Variants in ERGIC1 observed in about 807,000 individuals in gnomAD.
ERGIC1 encodes endoplasmic reticulum-Golgi intermediate compartment protein 1.
ERGIC1 carries 19 observed loss-of-function variants against 38.3 expected under a neutral mutation model. That is an observed-to-expected ratio of 0.50 (90% confidence interval 0.35 to 0.73). ERGIC1 has a LOEUF of 0.73. Among genes scored for constraint, ERGIC1 ranks in the 30% least tolerant of loss-of-function variants. The probability of loss-of-function intolerance (pLI) is 0.01; values close to 1 mark genes in which losing one functional copy is unlikely to be tolerated. For missense variants in ERGIC1, 294 were observed against 389.2 expected (o/e 0.76, Z 2.06); for synonymous variants, 124 against 157.6 (o/e 0.79, Z 1.60).
intron 3 of ERGIC1, chr5:172,905,170 C>T (rs896226420): frequency 8.4e-6 from 2 of 237,824 alleles, no homozygotes; most frequent in Admixed American, 8.5e-5. Flanking sequence ...GTGCGGAGGC[C>T]CAGCCTCGCC....
At chr5:172,939,722 C>T (rs1242915051) in intron 9 of ERGIC1, among the ~76,000 whole-genome samples, 1 of 152,252 alleles carries the variant, frequency 6.6e-6, no homozygotes, top group African/African-American at 2.4e-5. Flanking sequence ...CCCTGTGCCA[C>T]CACCTTGGTT....
At chr5:172,876,657 A>G (rs1762144914) in intron 1 of ERGIC1, among the ~76,000 whole-genome samples, 3 of 152,216 alleles carry the variant, frequency 2.0e-5, no homozygotes, top group Admixed American at 1.3e-4. Context: ...TGACATATGT[A>G]TACGTCCATG....
At position 172,926,584 on chromosome 5, in the gene ERGIC1, T is replaced by G; in HGVS notation, c.541+15T>G. On this transcript the variant is annotated intron_variant, in intron 7 of 9. Coordinates refer to ENST00000393784, the MANE Select transcript of ERGIC1 (RefSeq NM_001031711.3). This position sits in a 1 kb window ranked among gnomAD's most constrained non-coding sequence, Gnocchi z 5.2. ...CACCTCCAACCGTATGTATCCCTGCTGGGAACAGCCTTCTGCTCCAAGATG... is the reference window on the plus strand; with the variant it reads ...CACCTCCAACCGTATGTATCCCTGCGGGGAACAGCCTTCTGCTCCAAGATG... The G allele has an allele frequency of 6.2e-7, 1 of 1,610,928 alleles. No individual in the cohort carries two copies. The highest frequency in any genetic ancestry group is 1.1e-5 in the South Asian group (1 of 91,058).
chr5:172,874,453 CCTT>C (rs1762093901), intron 1 of ERGIC1, among the ~76,000 whole-genome samples: 1 of 152,162 alleles, frequency 6.6e-6, no homozygotes, highest in Non-Finnish European at 1.5e-5. Flanking sequence ...AGAAATGCTG[CCTT>C]CTTCATCCAT....
chr5:172,948,253 C>G (rs1764164920), intron 9 of ERGIC1, among the ~76,000 whole-genome samples: 1 of 152,248 alleles, frequency 6.6e-6, no homozygotes, highest in African/African-American at 2.4e-5. Flanking sequence ...TCTGTCCATC[C>G]TGGGCCTCAC....
intron 1 of ERGIC1, among the ~76,000 whole-genome samples, chr5:172,884,534 C>T (rs963174253): frequency 1.3e-5 from 2 of 152,236 alleles, no homozygotes; most frequent in African/African-American, 4.8e-5. Context: ...GAATTACAAG[C>T]ATGAGCCACT....
chr5:172,940,029 C>T lies in ERGIC1; in HGVS notation c.765+4719C>T, dbSNP rs528615985. ...GGCAAATGGGGGCCTCTGCAAATAG[C>T]TCCTTAGAGGGGCTGCAGATGAAGA... On this transcript the variant is annotated intron_variant, in intron 9 of 9. Transcript: ENST00000393784. 7.2e-5 allele frequency among the ~76,000 whole-genome samples: 11 copies of T among 152,312 alleles called. No individual in the cohort carries two copies. The South Asian group carries it at 2.3e-3, about 32-fold the overall frequency.
chr5:172,924,724 C>G (rs1363051075), intron 6 of ERGIC1, among the ~76,000 whole-genome samples: 2 of 152,110 alleles, frequency 1.3e-5, no homozygotes, highest in Non-Finnish European at 2.9e-5. Flanking sequence ...ACTACAGTCC[C>G]AAGTTTAGTC....
At chr5:172,948,700 T>A (rs1302925336) in intron 9 of ERGIC1, among the ~76,000 whole-genome samples, 1 of 151,534 alleles carries the variant, frequency 6.6e-6, no homozygotes, top group East Asian at 1.9e-4. Context: ...GGATGGGAGG[T>A]GTTGGTTCTT....
rs574305799 is a variant in ERGIC1 at position 172,944,625 on chromosome 5, C to G, written c.766-6084C>G. Among the ~76,000 whole-genome samples the G allele has an allele frequency of 2.6e-5, 4 of 152,370 alleles. No individual in the cohort carries two copies. In the South Asian group the frequency reaches 8.3e-4, roughly 32 times the overall value. ...CCACCCACCTCGGCCTCCCAAAGTG[C>G]TGGGATTACAGGCGTGAGCCGCCGC... On this transcript the variant is annotated intron_variant, in intron 9 of 9. Transcript: ENST00000393784.
chr5:172,836,149 C>T (rs138077286), intron 1 of ERGIC1, among the ~76,000 whole-genome samples: 101 of 152,318 alleles, frequency 6.6e-4, no homozygotes, highest in African/African-American at 2.3e-3. Flanking sequence ...GGATGAGGGC[C>T]TTATCTTGGA....
intron 2 of ERGIC1, among the ~76,000 whole-genome samples, chr5:172,895,293 A>G (rs985932274): frequency 2.0e-5 from 3 of 152,200 alleles, no homozygotes; most frequent in Admixed American, 1.3e-4. Flanking sequence ...GAGAAGCCCT[A>G]TAAGGCAGGT....
rs753290357 is a variant in ERGIC1, at chr5:172,935,248, C to A, written c.703C>A (p.Leu235Ile). ...IIPAIWFRYD[L>I]SPITVKYTER... ...CCCTGCAATCTGGTTCCGCTACGAC[C>A]TCAGCCCCATCACGGTCAAGTACAC... The change falls in exon 9 of 10, where the codon CTC (leucine) becomes ATC (isoleucine). Residue 235 changes from leucine (L) to isoleucine (I), a missense_variant. Around this residue, in one of 3 missense-constraint regions of ERGIC1, gnomAD observed 109 missense variants for 112.7 expected, o/e 0.97. Transcript: ENST00000393784. 3.1e-6 allele frequency: 5 copies of A among 1,614,106 alleles called. No homozygotes were observed. Among genetic ancestry groups the A allele is most frequent in the Non-Finnish European group, 4.2e-6 (5 of 1,180,052 alleles).
rs1764218291 is a variant in ERGIC1, at chr5:172,950,979, C to G, written c.*163C>G. 1 of 547,002 alleles carries G rather than the reference C, an allele frequency of 1.8e-6. No homozygotes were observed. Among genetic ancestry groups the G allele is most frequent in the Non-Finnish European group, 3.2e-6 (1 of 316,866 alleles). 33.9% of individuals were successfully genotyped at this position (547,002 alleles called of 1,614,324 possible). On this transcript the variant is annotated 3_prime_UTR_variant, in exon 10 of 10. Coordinates refer to ENST00000393784, the MANE Select transcript of ERGIC1 (RefSeq NM_001031711.3). The stretch of plus-strand genomic sequence containing the variant: ...GGATGGCTCGATGTTTTGCAGCTAC[C>G]TCTTTTCCCCGTGTTTCTTTTTAGA...
In ERGIC1 at chr5:172,923,989, C is replaced by G. The variant is rs771467676; in HGVS notation, c.376-16C>G. The G allele has an allele frequency of 6.2e-7, 1 of 1,613,258 alleles. No individual in the cohort carries two copies. The highest frequency in any genetic ancestry group is 1.7e-5 in the Admixed American group (1 of 59,944). Reference sequence around the variant, plus strand: ...AGAAGTCAACCAAACTCCTGAAACTCACATTTCTCCCCCAGGTCCCCGGCA... The same window carrying G: ...AGAAGTCAACCAAACTCCTGAAACTGACATTTCTCCCCCAGGTCCCCGGCA... On this transcript the variant is annotated splice_polypyrimidine_tract_variant and intron_variant, in intron 5 of 9. Coordinates refer to ENST00000393784, the MANE Select transcript of ERGIC1 (RefSeq NM_001031711.3).
At chr5:172,905,025 C>T (rs893160609) in intron 3 of ERGIC1, among the ~76,000 whole-genome samples, 1 of 152,086 alleles carries the variant, frequency 6.6e-6, no homozygotes, top group Admixed American at 6.5e-5. Flanking sequence ...CAGGGACCCA[C>T]GCCTGGGAGA....
At chr5:172,914,952 A>G in intron 5 of ERGIC1, 114 bp downstream of exon 5, 2 of 1,518,102 alleles carry the variant, frequency 1.3e-6, no homozygotes, top group Middle Eastern at 1.7e-4. Flanking sequence ...CACAGCCCCC[A>G]GCAAGCGAGG....
At chr5:172,874,288 C>T (rs1280801650) in intron 1 of ERGIC1, among the ~76,000 whole-genome samples, 1 of 151,966 alleles carries the variant, frequency 6.6e-6, no homozygotes, top group Non-Finnish European at 1.5e-5. Context: ...ACCGTGTTGG[C>T]CAGGCTGGTC....
Position 172,834,413 on chromosome 5 carries a change from G to A in ERGIC1, c.-1G>A. ...GCGCTCCCACCCCCGGCGGCGGCAC[G>A]ATGCCCTTTGACTTCAGGAGGTGAG... On this transcript the variant is annotated 5_prime_UTR_variant, in exon 1 of 10. Transcript: ENST00000393784. The surrounding 1 kb of genome is among the most constrained non-coding windows in gnomAD (Gnocchi z 4.1). The A allele has an allele frequency of 3.0e-6, 4 of 1,334,178 alleles. No individual in the cohort carries two copies. Among genetic ancestry groups the A allele is most frequent in the East Asian group, 3.1e-5 (1 of 32,388 alleles). The allele number at this position is 1,334,178 out of a possible 1,614,324, so 82.6% of individuals were successfully genotyped here. A position where few individuals can be genotyped will look rare whatever the true frequency, so the allele number is the denominator to read the frequency against.
Sources: allele counts gnomAD v4.1 joint callset (sites outside exome capture counted in the v4.1 genomes callset), GRCh38; gene constraint gnomAD v4.1.1; regional missense constraint gnomAD v4.1.1; non-coding constraint Gnocchi (gnomAD v3.1); transcripts MANE v1.5; gene names NCBI Gene and HGNC (gene_info 2026-07-23, HGNC 2026-07-21).